The following ZNF536 variants were observed in gnomAD, a reference collection of about 807,000 sequenced individuals.
ZNF536 encodes the protein zinc finger protein 536.
Under a neutral mutation model 84.5 loss-of-function variants are expected in ZNF536, and 13 were observed. The ratio of observed to expected loss-of-function variants is 0.15; its 90% CI spans 0.10 to 0.24. ZNF536 has a LOEUF of 0.24. Among genes scored for constraint, ZNF536 ranks in the 10% least tolerant of loss-of-function variants. The pLI, the probability that ZNF536 is intolerant of heterozygous loss-of-function variation, is 1.00. For missense variants in ZNF536, 1,536 were observed against 1,747.5 expected (o/e 0.88, Z 2.16); for synonymous variants, 811 against 742.5 (o/e 1.09, Z -1.50).
chr19:30,561,776 G>T (rs1418117846), downstream of ZNF536, among the ~76,000 whole-genome samples: 4 of 149,520 alleles, frequency 2.7e-5, no homozygotes, highest in Admixed American at 6.6e-5. Context: ...CCACCTGATG[G>T]CCAACCATTC....
chr19:30,303,456 G>T (rs1444621753), intron 2 of ZNF536, among the ~76,000 whole-genome samples: 8 of 152,140 alleles, frequency 5.3e-5, no homozygotes, highest in African/African-American at 1.4e-4. Context: ...CAGACAGCCT[G>T]GGGGGTTGTT....
At chr19:30,662,935 CTCTT>C (rs141374759) in intron 1 of ZNF536, among the ~76,000 whole-genome samples, 2,770 of 138,534 alleles carry the variant, frequency 0.02, 87 homozygotes, top group African/African-American at 0.07. Context: ...TTCTCTTTCT[CTCTT>C]TCTTTCTTTT....
intron 1 of ZNF536, among the ~76,000 whole-genome samples, chr19:30,238,675 T>G (rs1243326078): frequency 6.6e-6 from 1 of 151,896 alleles, no homozygotes; most frequent in Non-Finnish European, 1.5e-5. Flanking sequence ...TCTATCTATC[T>G]GTCTGTCTGT....
chr19:30,261,255 G>A (rs1418203835), intron 1 of ZNF536, among the ~76,000 whole-genome samples: 6 of 116,146 alleles, frequency 5.2e-5, no homozygotes, highest in Admixed American at 2.6e-4. Flanking sequence ...CCGAGATCCC[G>A]CCACTGCACT....
intron 3 of ZNF536, among the ~76,000 whole-genome samples, chr19:30,537,326 C>A (rs1253722534): frequency 4.6e-5 from 7 of 152,154 alleles, no homozygotes; most frequent in African/African-American, 9.7e-5. Flanking sequence ...AGGGTGGGGA[C>A]CCGCAGACTG....
intron 2 of ZNF536, among the ~76,000 whole-genome samples, chr19:30,318,572 T>C (rs1479551552): frequency 6.6e-6 from 1 of 152,250 alleles, no homozygotes; most frequent in African/African-American, 2.4e-5. Context: ...AGTCTTTGTA[T>C]CCACCTCTGA....
intron 1 of ZNF536, among the ~76,000 whole-genome samples, chr19:30,231,593 T>C (rs1271918677): frequency 6.6e-6 from 1 of 152,190 alleles, no homozygotes; most frequent in Non-Finnish European, 1.5e-5. Context: ...ACCTGTGTGC[T>C]TCATGTGGTA....
chr19:30,490,533 C>T (rs1431246159), intron 2 of ZNF536, among the ~76,000 whole-genome samples: 1 of 152,150 alleles, frequency 6.6e-6, no homozygotes, highest in East Asian at 1.9e-4. Flanking sequence ...TCACTGTAGG[C>T]TCCCCCTTGC....
chr19:30,622,143 A>T (rs959001977), intron 1 of ZNF536, among the ~76,000 whole-genome samples: 2 of 152,248 alleles, frequency 1.3e-5, no homozygotes, highest in African/African-American at 4.8e-5. Flanking sequence ...CCTTAGGCAG[A>T]TGGGAAGAAT....
chr19:30,450,463 C>T (rs982573988), intron 2 of ZNF536, among the ~76,000 whole-genome samples: 4 of 152,198 alleles, frequency 2.6e-5, no homozygotes, highest in African/African-American at 9.7e-5. Flanking sequence ...CACCTTCCAC[C>T]TCTAGGCAGG....
chr19:30,666,846 A>ATG (rs1005531788), intron 1 of ZNF536, among the ~76,000 whole-genome samples: 66 of 150,778 alleles, frequency 4.4e-4, no homozygotes, highest in African/African-American at 1.2e-3. Flanking sequence ...ATATATATAT[A>ATG]TATGTATGTA....
At chr19:30,308,206 A>T (rs1051013402) in intron 2 of ZNF536, among the ~76,000 whole-genome samples, 4 of 152,184 alleles carry the variant, frequency 2.6e-5, no homozygotes, top group African/African-American at 9.6e-5. Context: ...TTTCAGGGAC[A>T]GAAGTGTATG....
chr19:30,622,191 T>G (rs1476862401), intron 1 of ZNF536, among the ~76,000 whole-genome samples: 20 of 152,240 alleles, frequency 1.3e-4, no homozygotes, highest in Non-Finnish European at 1.5e-5. Context: ...TTGGGCAATT[T>G]GCTGTACATA....
chr19:30,431,108 A>G lies in ZNF536; in HGVS notation c.-2-12453A>G, dbSNP rs1277045998. On this transcript the variant is annotated intron_variant, in intron 1 of 4. Coordinates refer to ENST00000355537, the MANE Select transcript of ZNF536 (RefSeq NM_014717.3). ...AAATTGGTCTTTGTCCCTGGAATCC[A>G]TCTATGGCAGGAACACTCCCATATC... Among the ~76,000 whole-genome samples, 4 of 152,186 alleles carry G rather than the reference A, an allele frequency of 2.6e-5. No homozygotes were observed. In the East Asian group the frequency reaches 7.7e-4, roughly 29 times the overall value.
intron 1 of ZNF536, among the ~76,000 whole-genome samples, chr19:30,258,567 G>A (rs555444356): frequency 3.3e-5 from 5 of 152,226 alleles, no homozygotes; most frequent in African/African-American, 7.2e-5. Flanking sequence ...CCTCATCAGC[G>A]AGCACCTTGG....
In ZNF536 at chr19:30,228,554, A is replaced by T. The variant is rs1599800890; in HGVS notation, c.-309A>T. ...GCGTCAGATCCATCCCGCGCCTCCCAGTCCGGAGTCCATTTGCATAATTGG... is the reference window on the plus strand; with the variant it reads ...GCGTCAGATCCATCCCGCGCCTCCCTGTCCGGAGTCCATTTGCATAATTGG... On this transcript the variant is annotated 5_prime_UTR_variant, in exon 1 of 6. Coordinates refer to the ZNF536 transcript ENST00000585628. This position sits in a 1 kb window ranked among gnomAD's most constrained non-coding sequence, Gnocchi z 4.5. 1 of 150,400 alleles carries T rather than the reference A, an allele frequency of 6.6e-6. No homozygotes were observed. The highest frequency in any genetic ancestry group is 1.5e-5 in the Non-Finnish European group (1 of 67,772). The allele number at this position is 150,400 out of a possible 1,614,324, so 9.3% of individuals were successfully genotyped here. A position where few individuals can be genotyped will look rare whatever the true frequency, so the allele number is the denominator to read the frequency against.
At chr19:30,372,073 C>T (rs1312416993), upstream of ZNF536, among the ~76,000 whole-genome samples, 2 of 152,200 alleles carry the variant, frequency 1.3e-5, no homozygotes, top group East Asian at 3.9e-4. Flanking sequence ...ACTGGGTTGA[C>T]AGTCTTTCAT....
intron 2 of ZNF536, among the ~76,000 whole-genome samples, chr19:30,499,662 C>A (rs758920883): frequency 6.6e-6 from 1 of 152,164 alleles, no homozygotes; most frequent in East Asian, 1.9e-4. Context: ...TGTCTTAATA[C>A]GTTTCAAAAT....
intron 1 of ZNF536, among the ~76,000 whole-genome samples, chr19:30,251,570 C>G (rs1047415145): frequency 6.6e-6 from 1 of 152,110 alleles, no homozygotes; most frequent in Non-Finnish European, 1.5e-5. Context: ...ATAGTAAATT[C>G]GTCTACTTCT....
Sources: allele counts gnomAD v4.1 joint callset (sites outside exome capture counted in the v4.1 genomes callset), GRCh38; gene constraint gnomAD v4.1.1; non-coding constraint Gnocchi (gnomAD v3.1); transcripts MANE v1.5; gene names NCBI Gene and HGNC (gene_info 2026-07-23, HGNC 2026-07-21).